IBSP: variants seen among roughly 807,000 people sequenced by gnomAD.
IBSP encodes the protein integrin binding sialoprotein.
A neutral mutation model predicts 25.5 loss-of-function variants in IBSP; 19 were observed. The ratio of observed to expected loss-of-function variants is 0.74; its 90% CI spans 0.52 to 1.09. IBSP has a LOEUF of 1.09. Among genes scored for constraint, IBSP ranks in the 50% least tolerant of loss-of-function variants. IBSP has a pLI of 0.00. For synonymous variants in IBSP, 144 were observed against 137.6 expected (o/e 1.05, Z -0.33); for missense variants, 360 against 382.3 (o/e 0.94, Z 0.49).
At chr4:87,800,205 T>C (rs1179212512) in intron 1 of IBSP, among the ~76,000 whole-genome samples, 1 of 152,206 alleles carries the variant, frequency 6.6e-6, no homozygotes, top group African/African-American at 2.4e-5. Context: ...GTTTGAATTG[T>C]TGTCTGGGTT....
chr4:87,802,367 G>A lies in IBSP; in HGVS notation c.6G>A (p.Lys2=). The A allele has an allele frequency of 1.2e-6, 2 of 1,608,212 alleles. No homozygotes were observed. The highest frequency in any genetic ancestry group is 1.7e-6 in the Non-Finnish European group (2 of 1,177,480). The change falls in exon 2 of 7, where the codon AAG becomes AAA. Residue 2 remains lysine (K), a synonymous_variant. Transcript: ENST00000226284. ...TTCCAGAAGCAATCACCAAAATGAA[G>A]ACTGCTTTAATTTTGCTCAGCATTT... is the stretch of plus-strand genomic sequence containing the variant. The part of the protein sequence containing the change: M[K]TALILLSILG...
intron 5 of IBSP, among the ~76,000 whole-genome samples, chr4:87,806,715 A>C (rs1375392622): frequency 6.6e-6 from 1 of 152,120 alleles, no homozygotes; most frequent in Non-Finnish European, 1.5e-5. Context: ...CTTTTTAAAA[A>C]AATTTCAGGC....
At position 87,812,193 on chromosome 4, in the gene IBSP, A is replaced by T. The variant is rs1049361956; in HGVS notation, c.*283A>T. ...GAATGGTTTGAGGTTGTAGCTCTAT[A>T]AATAGTAGTTTTTAACATGCCTGTA... On this transcript the variant is annotated 3_prime_UTR_variant, in exon 7 of 7. Coordinates refer to ENST00000226284, the MANE Select transcript of IBSP (RefSeq NM_004967.4). 2.1e-5 allele frequency: 7 copies of T among 335,590 alleles called. No individual in the cohort carries two copies. The highest frequency in any genetic ancestry group is 3.2e-5 in the Non-Finnish European group (6 of 187,884). 20.8% of individuals were successfully genotyped at this position (335,590 alleles called of 1,614,324 possible).
intron 5 of IBSP, among the ~76,000 whole-genome samples, chr4:87,807,854 A>G (rs1722111085): frequency 6.6e-6 from 1 of 152,356 alleles, no homozygotes; most frequent in Non-Finnish European, 1.5e-5. Context: ...ATATCTCTTC[A>G]TGCTGCCTAG....
chr4:87,803,386 A>G (rs1438813925), intron 4 of IBSP, among the ~76,000 whole-genome samples: 1 of 152,196 alleles, frequency 6.6e-6, no homozygotes, highest in Non-Finnish European at 1.5e-5. Context: ...TGTAAACAAA[A>G]AGGAAAATAA....
In IBSP at chr4:87,811,725, G is replaced by T. The variant is rs758115196; in HGVS notation, c.769G>T (p.Val257Phe). 2 of 1,614,052 alleles carry T rather than the reference G, an allele frequency of 1.2e-6. No individual in the cohort carries two copies. Among genetic ancestry groups the T allele is most frequent in the Admixed American group, 1.7e-5 (1 of 60,010 alleles). The stretch of plus-strand genomic sequence containing the variant: ...CCCACCTTTTGGGAAAACCACCACC[G>T]TTGAATACGAGGGGGAGTACGAATA... ...TSPPFGKTTT[V>F]EYEGEYEYTG... is the part of the protein sequence containing the mutation. The change falls in exon 7 of 7, where the codon GTT becomes TTT. Residue 257 changes from valine (V) to phenylalanine (F), a missense_variant. Val to Phe is a conservative substitution (Grantham distance 50). Coordinates refer to ENST00000226284, the MANE Select transcript of IBSP (RefSeq NM_004967.4).
intron 1 of IBSP, 33 bp from the exon 2 acceptor site, chr4:87,802,315 A>G (rs1193643407): frequency 1.5e-6 from 2 of 1,361,014 alleles, no homozygotes; most frequent in Non-Finnish European, 2.0e-6. Flanking sequence ...TAGTTTTAAT[A>G]TTTTATTAAC....
rs148110811 is a variant in IBSP at position 87,811,864 on chromosome 4, A to G, written c.908A>G (p.Gln303Arg). The change falls in exon 7 of 7, where the codon CAA (glutamine) becomes CGA (arginine). Residue 303 changes from glutamine (Q) to arginine (R), a missense_variant. Physicochemically the swap from Gln to Arg is conservative, Grantham distance 43. Coordinates refer to ENST00000226284, the MANE Select transcript of IBSP (RefSeq NM_004967.4). ...GATGAGTACAGCTACTTTAAAGGAC[A>G]AGGCTACGATGGCTATGATGGTCAG... The part of the protein sequence containing the change: ...YEDEYSYFKG[Q>R]GYDGYDGQNY... The G allele has an allele frequency of 2.8e-5, 44 of 1,566,828 alleles. No homozygotes were observed. The African/African-American group carries it at 4.1e-4, about 15-fold the overall frequency.
At chr4:87,805,748 T>C (rs553194650) in intron 4 of IBSP, among the ~76,000 whole-genome samples, 2 of 152,320 alleles carry the variant, frequency 1.3e-5, no homozygotes, top group East Asian at 3.9e-4. Context: ...AATTTAAAAA[T>C]TGGACCAGTT....
At chr4:87,811,297 A>G (rs2110058617) in intron 6 of IBSP, 65 bp from the exon 7 acceptor site, 1 of 1,526,702 alleles carries the variant, frequency 6.6e-7, no homozygotes, top group Non-Finnish European at 8.8e-7. Context: ...GTTGCATGAA[A>G]TGACGGCCTT....
At chr4:87,800,185 C>T (rs1721994399) in intron 1 of IBSP, among the ~76,000 whole-genome samples, 1 of 152,138 alleles carries the variant, frequency 6.6e-6, no homozygotes, top group Non-Finnish European at 1.5e-5. Flanking sequence ...CAAAATTCTC[C>T]TTTAAGAATG....
intron 1 of IBSP, among the ~76,000 whole-genome samples, chr4:87,799,947 T>C (rs968730795): frequency 6.6e-6 from 1 of 152,216 alleles, no homozygotes; most frequent in Admixed American, 6.5e-5. Flanking sequence ...CTGATTGAAA[T>C]ACTATTTTGC....
chr4:87,802,826 C>A, intron 4 of IBSP, 95 bp downstream of exon 4: 1 of 784,910 alleles, frequency 1.3e-6, no homozygotes, highest in Non-Finnish European at 1.9e-6. Flanking sequence ...TCAACTCTCA[C>A]TGAAATTCAG....
chr4:87,803,946 A>C (rs1453080215), intron 4 of IBSP, among the ~76,000 whole-genome samples: 4 of 152,184 alleles, frequency 2.6e-5, no homozygotes, highest in Non-Finnish European at 4.4e-5. Flanking sequence ...AGAGATATTC[A>C]TTCCCATCTG....
chr4:87,811,958 A>G lies in IBSP; in HGVS notation c.*48A>G, dbSNP rs765527765. 1 of 1,449,788 alleles carries G rather than the reference A, an allele frequency of 6.9e-7. No individual in the cohort carries two copies. Among genetic ancestry groups the G allele is most frequent in the East Asian group, 2.3e-5 (1 of 43,044 alleles). The allele number at this position is 1,449,788 out of a possible 1,614,324, so 89.8% of individuals were successfully genotyped here. On this transcript the variant is annotated 3_prime_UTR_variant, in exon 7 of 7. Transcript: ENST00000226284. The stretch of plus-strand genomic sequence containing the variant: ...ATCCATTCTGGCTTTGCATCCGGCT[A>G]CCATTTTCGAAGTTCAACTCAGGAA...
Position 87,811,937 on chromosome 4 carries a change from A to G in IBSP, c.*27A>G, listed in dbSNP as rs1722185123. 6.7e-7 allele frequency: 1 copy of G among 1,494,244 alleles called. No individual in the cohort carries two copies. 92.6% of individuals were successfully genotyped at this position (1,494,244 alleles called of 1,614,324 possible). The stretch of plus-strand genomic sequence containing the variant: ...GCTCCAGCCTGGGATGAATTCATCC[A>G]TTCTGGCTTTGCATCCGGCTACCAT... On this transcript the variant is annotated 3_prime_UTR_variant, in exon 7 of 7. Transcript: ENST00000226284.
intron 5 of IBSP, among the ~76,000 whole-genome samples, chr4:87,808,833 G>A (rs1722128451): frequency 6.6e-6 from 1 of 152,184 alleles, no homozygotes; most frequent in South Asian, 2.1e-4. Context: ...GTACCAAAAT[G>A]TGTTATTCTT....
At chr4:87,803,218 A>G (rs1202799199) in intron 4 of IBSP, among the ~76,000 whole-genome samples, 4 of 152,172 alleles carry the variant, frequency 2.6e-5, no homozygotes, top group Admixed American at 1.3e-4. Flanking sequence ...AATCAATGGT[A>G]ATTTCTGAAG....
chr4:87,810,650 T>C lies in IBSP; in HGVS notation c.291T>C (p.Asp97=). 2.5e-6 allele frequency: 4 copies of C among 1,613,714 alleles called. No homozygotes were observed. The highest frequency in any genetic ancestry group is 1.1e-5 in the South Asian group (1 of 91,064). Residue 97 remains aspartate, a synonymous_variant, in exon 6 of 7, where the codon GAT becomes GAC. Coordinates refer to ENST00000226284, the MANE Select transcript of IBSP (RefSeq NM_004967.4). The part of the protein sequence containing the change: ...EGENNEESNE[D]EDSEAENTTL... ...AAAACAATGAAGAATCGAATGAAGA[T>C]GAAGACTCTGAGGCTGAGAATACCA...
Sources: allele counts gnomAD v4.1 joint callset (sites outside exome capture counted in the v4.1 genomes callset), GRCh38; gene constraint gnomAD v4.1.1; transcripts MANE v1.5; gene names NCBI Gene and HGNC (gene_info 2026-07-23, HGNC 2026-07-21).